Variants in ZNF506 observed in about 807,000 individuals in gnomAD.
The protein encoded by ZNF506 is zinc finger protein 506.
Under a neutral mutation model 11.6 loss-of-function variants are expected in ZNF506, and 10 were observed. That is an observed-to-expected ratio of 0.86 (90% CI 0.53 to 1.46). ZNF506 has a LOEUF of 1.46. ZNF506 is among the 40% of genes most tolerant of loss of function. The probability of loss-of-function intolerance (pLI) is 0.00; values close to 1 mark genes in which losing one functional copy is unlikely to be tolerated. For missense variants in ZNF506, 425 were observed against 521.2 expected, an observed-to-expected ratio of 0.82 and a Z score of 1.80; for synonymous variants, 156 against 173.3, an observed-to-expected ratio of 0.90 and a Z score of 0.78.
intron 3 of ZNF506, 37 bp downstream of exon 3, chr19:19,805,994 T>G: frequency 6.5e-7 from 1 of 1,526,736 alleles, no homozygotes; most frequent in South Asian, 1.2e-5. Context: ...GACCTCTATC[T>G]GTGTTGTCTG....
At chr19:19,814,750 G>A (rs1464212054) in intron 1 of ZNF506, among the ~76,000 whole-genome samples, 1 of 152,118 alleles carries the variant, frequency 6.6e-6, no homozygotes, top group Non-Finnish European at 1.5e-5. Flanking sequence ...GTAGGTGAGA[G>A]GACTGATTTT....
chr19:19,799,883 A>C (rs1305833755), intron 3 of ZNF506, among the ~76,000 whole-genome samples: 1 of 152,182 alleles, frequency 6.6e-6, no homozygotes, highest in Non-Finnish European at 1.5e-5. Flanking sequence ...AAAAAAAAAA[A>C]AAAATGTTGG....
intron 1 of ZNF506, among the ~76,000 whole-genome samples, chr19:19,808,240 C>T (rs2062852185): frequency 1.3e-5 from 2 of 149,438 alleles, no homozygotes; most frequent in South Asian, 4.3e-4. Context: ...TCTCCTGCCT[C>T]AGCCTCCCGA....
At chr19:19,802,786 G>C (rs2062805757) in intron 3 of ZNF506, among the ~76,000 whole-genome samples, 1 of 152,150 alleles carries the variant, frequency 6.6e-6, no homozygotes, top group Non-Finnish European at 1.5e-5. Flanking sequence ...TGTATAGGGA[G>C]AGTGACCTCA....
intron 1 of ZNF506, among the ~76,000 whole-genome samples, chr19:19,819,689 G>A (rs1271843108): frequency 6.6e-6 from 1 of 152,200 alleles, no homozygotes; most frequent in African/African-American, 2.4e-5. Context: ...AAGACAAAGA[G>A]GCACAGATAT....
intron 1 of ZNF506, among the ~76,000 whole-genome samples, chr19:19,813,041 C>T (rs1305250500): frequency 6.6e-6 from 1 of 152,156 alleles, no homozygotes; most frequent in Non-Finnish European, 1.5e-5. Context: ...GAAATAGAAT[C>T]TGACTGTGTT....
At position 19,806,990 on chromosome 19, in the gene ZNF506, G is replaced by A. The variant is rs1273452461; in HGVS notation, c.82C>T (p.Leu28=). Residue 28 remains leucine (L), a synonymous_variant, in exon 2 of 4, where the codon CTA becomes TTA. Coordinates refer to ENST00000540806, the MANE Select transcript of ZNF506 (RefSeq NM_001099269.3). ...WHCLDAAQRN[L]YRDVMLENYR... ...TTCTCTAACATCACATCCCTATATA[G>A]ATTCCGCTGTGCAGCGTCCAGGCAA... 3 of 1,613,934 alleles carry A rather than the reference G, an allele frequency of 1.9e-6. No homozygotes were observed. The highest frequency in any genetic ancestry group is 2.5e-6 in the Non-Finnish European group (3 of 1,179,928).
rs2145166799 is a variant in ZNF506, at chr19:19,793,890, G to T, written c.*662C>A. Reference sequence around the variant, plus strand: ...TTTGTCTCATTTCATACATTTCCAGGGTTTCACATTAGTATAATTTATTTT... The same window carrying T: ...TTTGTCTCATTTCATACATTTCCAGTGTTTCACATTAGTATAATTTATTTT... On this transcript the variant is annotated 3_prime_UTR_variant, in exon 4 of 4. Transcript: ENST00000540806. 6.6e-6 allele frequency: 1 copy of T among 152,224 alleles called. No homozygotes were observed. The highest frequency in any genetic ancestry group is 1.5e-5 in the Non-Finnish European group (1 of 68,028). 9.4% of individuals were successfully genotyped at this position (152,224 alleles called of 1,614,324 possible). A position where few individuals can be genotyped will look rare whatever the true frequency, so the allele number is the denominator to read the frequency against.
rs2062969092 is a variant in ZNF506 at position 19,821,734 on chromosome 19, C to T, written c.-131G>A. On this transcript the variant is annotated 5_prime_UTR_variant, in exon 1 of 4. Transcript: ENST00000540806. ...GTGAAGACGATAGCTGGATCTCTGG[C>T]GTCAGCGAGAGACAATGGGCCCGCC... 3.2e-6 allele frequency: 4 copies of T among 1,241,368 alleles called. No homozygotes were observed. Among genetic ancestry groups the T allele is most frequent in the East Asian group, 2.4e-5 (1 of 41,736 alleles). 76.9% of individuals were successfully genotyped at this position (1,241,368 alleles called of 1,614,324 possible).
chr19:19,815,101 CA>C (rs571949854), intron 1 of ZNF506, among the ~76,000 whole-genome samples: 1 of 150,816 alleles, frequency 6.6e-6, no homozygotes, highest in Admixed American at 6.6e-5. Flanking sequence ...ACTAAAAATA[CA>C]AAAAAAAATT....
intron 1 of ZNF506, among the ~76,000 whole-genome samples, chr19:19,808,145 A>G (rs1370814528): frequency 2.8e-5 from 1 of 36,100 alleles, no homozygotes; most frequent in African/African-American, 1.6e-4. Context: ...TTTTTTTGAG[A>G]CGGAGTCTCG....
intron 3 of ZNF506, chr19:19,797,630 G>T (rs1259536239): frequency 6.6e-6 from 1 of 151,666 alleles, no homozygotes; most frequent in African/African-American, 2.4e-5. Context: ...GTGTAAATAG[G>T]GCAAAGCTGA....
At chr19:19,803,219 C>T (rs1053566422) in intron 3 of ZNF506, among the ~76,000 whole-genome samples, 16 of 152,326 alleles carry the variant, frequency 1.1e-4, no homozygotes, top group Admixed American at 2.6e-4. Context: ...AAACTCCTCC[C>T]GGCCACAGTC....
chr19:19,794,408 A>C lies in ZNF506; in HGVS notation c.*144T>G. ...TATAAATTATGTGTAATAAGGGTTGAGAACTTCCTTAAAAAGCTTTGTCAC... is the reference window on the plus strand; with the variant it reads ...TATAAATTATGTGTAATAAGGGTTGCGAACTTCCTTAAAAAGCTTTGTCAC... On this transcript the variant is annotated 3_prime_UTR_variant, in exon 4 of 4. Transcript: ENST00000540806. 1.2e-6 allele frequency: 1 copy of C among 821,196 alleles called. No homozygotes were observed. The highest frequency in any genetic ancestry group is 1.9e-6 in the Non-Finnish European group (1 of 535,800). 50.9% of individuals were successfully genotyped at this position (821,196 alleles called of 1,614,324 possible).
intron 1 of ZNF506, among the ~76,000 whole-genome samples, chr19:19,815,726 T>C (rs1203877435): frequency 1.3e-5 from 2 of 152,244 alleles, no homozygotes; most frequent in African/African-American, 4.8e-5. Flanking sequence ...ATTGTCCTCA[T>C]GGCAGATGCC....
chr19:19,805,963 T>C, intron 3 of ZNF506, 68 bp downstream of exon 3: 1 of 1,320,138 alleles, frequency 7.6e-7, no homozygotes, highest in Non-Finnish European at 1.1e-6. Flanking sequence ...TTTTAAGGAC[T>C]CGCTTTCTCT....
rs2062832608 is a variant in ZNF506, at chr19:19,805,966, C to G, written c.226+65G>C. The G allele has an allele frequency of 3.7e-6, 5 of 1,363,472 alleles. No homozygotes were observed. The East Asian group carries it at 1.2e-4, about 33-fold the overall frequency. The allele number at this position is 1,363,472 out of a possible 1,614,324, so 84.5% of individuals were successfully genotyped here. On this transcript the variant is annotated intron_variant, in intron 3 of 3. Transcript: ENST00000540806. ...TCCCAAATCACATTTTAAGGACTCGCTTTCTCTTTGACCTTGGGACCTCTA... is the reference window on the plus strand; with the variant it reads ...TCCCAAATCACATTTTAAGGACTCGGTTTCTCTTTGACCTTGGGACCTCTA...
chr19:19,813,281 G>A (rs747477151), intron 1 of ZNF506, among the ~76,000 whole-genome samples: 10 of 152,056 alleles, frequency 6.6e-5, no homozygotes, highest in Non-Finnish European at 1.3e-4. Flanking sequence ...ATTTTCTTTG[G>A]ATATTAGATA....
chr19:19,816,614 T>C (rs1461873642), intron 1 of ZNF506, among the ~76,000 whole-genome samples: 1 of 152,082 alleles, frequency 6.6e-6, no homozygotes, highest in Non-Finnish European at 1.5e-5. Context: ...CGCCTTGGCC[T>C]CCCAAAGTGC....
Sources: allele counts gnomAD v4.1 joint callset (sites outside exome capture counted in the v4.1 genomes callset), GRCh38; gene constraint gnomAD v4.1.1; transcripts MANE v1.5; gene names NCBI Gene and HGNC (gene_info 2026-07-23, HGNC 2026-07-21).